UQCC1: variants seen among roughly 807,000 people sequenced by gnomAD.
UQCC1 encodes the protein ubiquinol-cytochrome c reductase complex assembly factor 1.
Under a neutral mutation model 48.0 loss-of-function variants are expected in UQCC1, and 38 were observed. That is an observed-to-expected ratio of 0.79 (90% CI 0.61 to 1.04). The LOEUF is 1.04. UQCC1 is among the 50% of genes least tolerant of loss of function. UQCC1 has a pLI of 0.00. For missense variants in UQCC1, 368 were observed against 381.8 expected (o/e 0.96, Z 0.30); for synonymous variants, 111 against 129.2 (o/e 0.86, Z 0.95).
At chr20:35,349,541 AAC>A (rs770643036) in intron 6 of UQCC1, among the ~76,000 whole-genome samples, 19 of 152,252 alleles carry the variant, frequency 1.2e-4, no homozygotes, top group Non-Finnish European at 2.4e-4. Context: ...TGTTATACTC[AAC>A]ACAAACCAGA....
At chr20:35,397,493 G>A (rs1439666115) in intron 1 of UQCC1, among the ~76,000 whole-genome samples, 29 of 146,378 alleles carry the variant, frequency 2.0e-4, no homozygotes, top group Non-Finnish European at 1.9e-4. Context: ...TCCAGCCTGG[G>A]TGACAGAGCG....
intron 7 of UQCC1, among the ~76,000 whole-genome samples, chr20:35,334,454 T>C (rs1400792521): frequency 1.3e-5 from 2 of 152,208 alleles, no homozygotes; most frequent in African/African-American, 4.8e-5. Flanking sequence ...TCGGTGCCTT[T>C]ATCCACACTG....
chr20:35,305,636 G>C (rs769307441), intron 9 of UQCC1, among the ~76,000 whole-genome samples: 1 of 152,190 alleles, frequency 6.6e-6, no homozygotes, highest in Admixed American at 6.5e-5. Context: ...CTGGCTCCTG[G>C]GATTCTCTAC....
intron 8 of UQCC1, among the ~76,000 whole-genome samples, chr20:35,310,781 C>T (rs2060983017): frequency 6.7e-6 from 1 of 148,326 alleles, no homozygotes; most frequent in African/African-American, 2.5e-5. Flanking sequence ...CAAGCTCCAC[C>T]TCCTGGGTTC....
At chr20:35,337,505 G>A (rs187821180) in intron 7 of UQCC1, among the ~76,000 whole-genome samples, 33 of 152,148 alleles carry the variant, frequency 2.2e-4, no homozygotes, top group Middle Eastern at 6.8e-3. Flanking sequence ...CATCCCTAAC[G>A]AGTTCCCAAG....
chr20:35,382,701 G>GGCA, intron 3 of UQCC1, among the ~76,000 whole-genome samples: 1 of 151,558 alleles, frequency 6.6e-6, no homozygotes, highest in East Asian at 1.9e-4. Context: ...TAATAGAGAT[G>GGCA]GAGTTTCACC....
chr20:35,320,460 TTGGAATAGACACTGGAAGGAATGTAGC>T (rs1361449258), intron 7 of UQCC1, among the ~76,000 whole-genome samples: 72 of 152,192 alleles, frequency 4.7e-4, no homozygotes. Flanking sequence ...CCTACCTGTG[TTGGAATAGACACTGGAAGGAATGTAGC>T]TGCCCCTTCC....
intron 8 of UQCC1, among the ~76,000 whole-genome samples, chr20:35,308,285 G>A (rs2060950456): frequency 6.6e-6 from 1 of 152,262 alleles, no homozygotes; most frequent in Admixed American, 6.5e-5. Context: ...CAGGAAAACT[G>A]GCTTTTTCTG....
chr20:35,311,912 G>T (rs1325003712), intron 8 of UQCC1, among the ~76,000 whole-genome samples: 1 of 152,138 alleles, frequency 6.6e-6, no homozygotes, highest in Admixed American at 6.5e-5. Flanking sequence ...CTACTGAATT[G>T]TAATCTTCAG....
At chr20:35,401,025 C>G (rs1424640012) in intron 1 of UQCC1, among the ~76,000 whole-genome samples, 4 of 152,140 alleles carry the variant, frequency 2.6e-5, no homozygotes. Context: ...GTAGCGGATT[C>G]TAGTTATTCA....
intron 6 of UQCC1, among the ~76,000 whole-genome samples, chr20:35,363,045 A>AAAAG (rs1234958026): frequency 2.6e-5 from 4 of 151,346 alleles, no homozygotes; most frequent in South Asian, 2.1e-4. Context: ...AAAAAAAAAA[A>AAAAG]AAAGAAAGAA....
intron 8 of UQCC1, among the ~76,000 whole-genome samples, chr20:35,314,349 G>T (rs111276735): frequency 6.6e-6 from 1 of 151,318 alleles, no homozygotes; most frequent in African/African-American, 2.4e-5. Flanking sequence ...TGCTGTTTAC[G>T]TGAATATCCT....
intron 1 of UQCC1, among the ~76,000 whole-genome samples, 174 bp from the exon 2 acceptor site, chr20:35,394,370 T>C (rs1403900337): frequency 5.5e-4 from 83 of 152,138 alleles, no homozygotes; most frequent in Non-Finnish European, 6.5e-4. Flanking sequence ...GGGGGGTGTC[T>C]GTAACTCATA....
intron 1 of UQCC1, among the ~76,000 whole-genome samples, chr20:35,411,475 A>G (rs755386016): frequency 1.3e-5 from 2 of 152,162 alleles, no homozygotes; most frequent in South Asian, 4.1e-4. Context: ...CTTATTACCT[A>G]TGAAAGAAAC....
At chr20:35,385,968 G>T (rs900066729) in intron 2 of UQCC1, among the ~76,000 whole-genome samples, 16 of 151,454 alleles carry the variant, frequency 1.1e-4, no homozygotes, top group Non-Finnish European at 2.1e-4. Context: ...CCATACCAGA[G>T]TGGTGCATTT....
At chr20:35,377,633 G>A (rs759003868) in intron 4 of UQCC1, among the ~76,000 whole-genome samples, 7 of 152,178 alleles carry the variant, frequency 4.6e-5, no homozygotes, top group Non-Finnish European at 8.8e-5. Context: ...TTCAGCTACA[G>A]ACAAGTATGT....
intron 7 of UQCC1, among the ~76,000 whole-genome samples, chr20:35,332,514 G>T (rs1211072060): frequency 6.6e-6 from 1 of 152,218 alleles, no homozygotes; most frequent in Non-Finnish European, 1.5e-5. Flanking sequence ...TCTTGCTGGG[G>T]AAGGAGTCCT....
At chr20:35,342,553 G>C (rs1044207714) in intron 7 of UQCC1, among the ~76,000 whole-genome samples, 1 of 152,208 alleles carries the variant, frequency 6.6e-6, no homozygotes, top group Non-Finnish European at 1.5e-5. Flanking sequence ...GCCTGCACCA[G>C]GAGAAAGTGC....
intron 5 of UQCC1, 54 bp downstream of exon 5, chr20:35,374,130 A>C: frequency 1.4e-6 from 2 of 1,442,580 alleles, no homozygotes; most frequent in Non-Finnish European, 1.9e-6. Context: ...ACACAACCAT[A>C]AAAATGAAAT....
Sources: gnomAD v4.1 joint callset for allele counts (sites outside exome capture counted in the v4.1 genomes callset) on GRCh38, gnomAD v4.1.1 for gene constraint, MANE v1.5 for transcripts, NCBI Gene and HGNC (gene_info 2026-07-23, HGNC 2026-07-21) for gene names.